Variants in ZNF184 observed in about 807,000 individuals in gnomAD.
ZNF184 encodes zinc finger protein 184 (Kruppel-like).
Under a neutral mutation model 54.4 loss-of-function variants are expected in ZNF184, and 16 were observed. That is an observed-to-expected ratio of 0.29 (90% CI 0.20 to 0.45). The LOEUF (loss-of-function observed/expected upper bound fraction) is 0.45, where lower values mean the gene tolerates loss of function less well. ZNF184 is among the 20% of genes least tolerant of loss of function. The probability of loss-of-function intolerance (pLI) is 1.00; values close to 1 mark genes in which losing one functional copy is unlikely to be tolerated. For missense variants in ZNF184, 681 were observed against 888.2 expected (o/e 0.77, Z 2.97); for synonymous variants, 254 against 295.3 (o/e 0.86, Z 1.43).
At chr6:27,421,141 C>G in the ZNF184 span, among the ~76,000 whole-genome samples, 2 of 152,234 alleles carry the variant, frequency 1.3e-5, no homozygotes, top group African/African-American at 4.8e-5. Flanking sequence ...TGAAACTACT[C>G]TGTCCATACT....
At chr6:27,458,566 C>G (rs553894615) in intron 3 of ZNF184, among the ~76,000 whole-genome samples, 1 of 137,652 alleles carries the variant, frequency 7.3e-6, no homozygotes, top group South Asian at 2.6e-4. Context: ...ATCATCTCAC[C>G]CCAGTTAGTC....
At chr6:27,457,976 G>A (rs890195876) in intron 3 of ZNF184, among the ~76,000 whole-genome samples, 1 of 151,544 alleles carries the variant, frequency 6.6e-6, no homozygotes, top group African/African-American at 2.4e-5. Flanking sequence ...TAAATTAAAA[G>A]TAAGTTAAAA....
At chr6:27,450,342 T>C (rs149794114), downstream of ZNF184, among the ~76,000 whole-genome samples, 4 of 152,188 alleles carry the variant, frequency 2.6e-5, no homozygotes, top group African/African-American at 7.2e-5. Flanking sequence ...TAATCTGCAA[T>C]GTGATGGTAT....
chr6:27,430,825 T>G, the ZNF184 span, among the ~76,000 whole-genome samples: 1 of 152,382 alleles, frequency 6.6e-6, no homozygotes, highest in African/African-American at 2.4e-5. Context: ...GGAGTGTTCA[T>G]GTTTTACTAC....
chr6:27,430,739 C>A, the ZNF184 span, among the ~76,000 whole-genome samples: 1 of 152,214 alleles, frequency 6.6e-6, no homozygotes, highest in Non-Finnish European at 1.5e-5. Flanking sequence ...TTTAACCAAG[C>A]ATATTTGTGG....
chr6:27,471,239 TA>T (rs1277283336), intron 2 of ZNF184, among the ~76,000 whole-genome samples: 1 of 152,164 alleles, frequency 6.6e-6, no homozygotes. Flanking sequence ...CTAGTGGCAT[TA>T]AGTTAGAAAG....
the ZNF184 span, among the ~76,000 whole-genome samples, chr6:27,444,466 A>G: frequency 2.6e-5 from 4 of 152,132 alleles, no homozygotes; most frequent in African/African-American, 4.8e-5. Flanking sequence ...CAAACATACT[A>G]TAACATTGAA....
In ZNF184 at chr6:27,453,455, G is replaced by T. The variant is rs1762784969; in HGVS notation, c.299-195C>A. ...TAAATAAAATACGAAAGTGGCAAAA[G>T]AATGTCTAATTCAATTTCATAGATA... On this transcript the variant is annotated intron_variant, in intron 5 of 5. Transcript: ENST00000683788. This position sits in a 1 kb window ranked among gnomAD's most constrained non-coding sequence, Gnocchi z 4.7. 6.6e-6 allele frequency among the ~76,000 whole-genome samples: 1 copy of T among 152,178 alleles called. No individual in the cohort carries two copies. Among genetic ancestry groups the T allele is most frequent in the Admixed American group, 6.5e-5 (1 of 15,276 alleles).
chr6:27,425,670 G>A, the ZNF184 span, among the ~76,000 whole-genome samples: 2 of 152,150 alleles, frequency 1.3e-5, no homozygotes, highest in African/African-American at 2.4e-5. Context: ...CTTAGAACAA[G>A]TGAAACCAGC....
At position 27,453,151 on chromosome 6, in the gene ZNF184, C is replaced by G; in HGVS notation, c.408G>C (p.Trp136Cys). ...IVEKHKRDDS[W>C]SSNLLESWEY... is the part of the protein sequence containing the mutation. ...CCCAACTTTCTAGCAAGTTGGAACTCCAAGAATCATCTCTTTTGTGTTTTT... is the reference window on the plus strand; with the variant it reads ...CCCAACTTTCTAGCAAGTTGGAACTGCAAGAATCATCTCTTTTGTGTTTTT... Residue 136 changes from tryptophan to cysteine, a missense_variant, in exon 6 of 6, where the codon TGG (tryptophan) becomes TGC (cysteine). Trp to Cys is a radical substitution (Grantham distance 215, BLOSUM62 -2). Transcript: ENST00000683788. This position sits in a 1 kb window ranked among gnomAD's most constrained non-coding sequence, Gnocchi z 4.7. The G allele has an allele frequency of 6.2e-7, 1 of 1,614,090 alleles. No individual in the cohort carries two copies. The highest frequency in any genetic ancestry group is 8.5e-7 in the Non-Finnish European group (1 of 1,179,998).
intron 3 of ZNF184, among the ~76,000 whole-genome samples, chr6:27,467,215 T>G (rs1156739606): frequency 1.3e-5 from 2 of 152,222 alleles, no homozygotes; most frequent in Non-Finnish European, 2.9e-5. Context: ...CATACATTTT[T>G]CCATTCTCTA....
At chr6:27,470,436 T>A (rs1037164206) in intron 2 of ZNF184, among the ~76,000 whole-genome samples, 17 of 152,314 alleles carry the variant, frequency 1.1e-4, no homozygotes, top group African/African-American at 4.1e-4. Context: ...AAATTCTTAA[T>A]TTATATTAAT....
At chr6:27,465,484 C>CAAA (rs60538455) in intron 3 of ZNF184, among the ~76,000 whole-genome samples, 1,756 of 35,028 alleles carry the variant, frequency 0.05, 253 homozygotes, top group Middle Eastern at 0.1. Context: ...GACTCCATCT[C>CAAA]AAAAAAAAAA....
intron 5 of ZNF184, among the ~76,000 whole-genome samples, chr6:27,454,434 G>A (rs1762805617): frequency 1.3e-5 from 2 of 152,142 alleles, no homozygotes; most frequent in Admixed American, 6.6e-5. Flanking sequence ...TACAATACAG[G>A]GTTTGGAAAC....
Position 27,472,339 on chromosome 6 carries a change from C to T in ZNF184, c.-45G>A, listed in dbSNP as rs760806714. 3 of 1,613,828 alleles carry T rather than the reference C, an allele frequency of 1.9e-6. No individual in the cohort carries two copies. The highest frequency in any genetic ancestry group is 8.5e-7 in the Non-Finnish European group (1 of 1,179,842). Reference sequence around the variant, plus strand: ...CCTCTGGAACTTGAACACCAGGGTTCGCCAGGCAGCGTTCCTTCAGCTGGT... The same window carrying T: ...CCTCTGGAACTTGAACACCAGGGTTTGCCAGGCAGCGTTCCTTCAGCTGGT... On this transcript the variant is annotated 5_prime_UTR_variant, in exon 2 of 6. Coordinates refer to ENST00000683788, the MANE Select transcript of ZNF184 (RefSeq NM_001318891.2). This position sits in a 1 kb window ranked among gnomAD's most constrained non-coding sequence, Gnocchi z 4.8.
the ZNF184 span, among the ~76,000 whole-genome samples, chr6:27,431,922 A>C: frequency 3.3e-4 from 51 of 152,342 alleles, no homozygotes; most frequent in Non-Finnish European, 4.3e-4. Context: ...AAGAAGGTTT[A>C]TTATTCACAC....
intron 3 of ZNF184, among the ~76,000 whole-genome samples, chr6:27,466,367 G>A (rs1460540503): frequency 6.6e-6 from 1 of 152,100 alleles, no homozygotes; most frequent in Non-Finnish European, 1.5e-5. Flanking sequence ...CGCCATCTAA[G>A]CTTATGGCAA....
the ZNF184 span, among the ~76,000 whole-genome samples, chr6:27,427,356 A>C: frequency 1.3e-5 from 2 of 152,194 alleles, no homozygotes; most frequent in African/African-American, 2.4e-5. Context: ...ACTAACGCCT[A>C]GTTGGTAAAG....
chr6:27,423,483 CTAGA>C, the ZNF184 span, among the ~76,000 whole-genome samples: 15 of 152,200 alleles, frequency 9.9e-5, no homozygotes, highest in Non-Finnish European at 1.3e-4. Context: ...AGATGAGCCA[CTAGA>C]TAAAGGTTTT....
Sources: gnomAD v4.1 joint callset for allele counts (sites outside exome capture counted in the v4.1 genomes callset) on GRCh38, gnomAD v4.1.1 for gene constraint, Gnocchi (gnomAD v3.1) non-coding constraint, MANE v1.5 for transcripts, NCBI Gene and HGNC (gene_info 2026-07-23, HGNC 2026-07-21) for gene names.